The following DGKB variants were observed in gnomAD, a reference collection of about 807,000 sequenced individuals.
The protein encoded by DGKB is 90 kDa diacylglycerol kinase.
Under a neutral mutation model 114.3 loss-of-function variants are expected in DGKB, and 67 were observed. The ratio of observed to expected loss-of-function variants is 0.59; its 90% confidence interval spans 0.48 to 0.72. The LOEUF is 0.72. Ranked by LOEUF, DGKB falls within the 30% of genes least tolerant of loss-of-function variation. DGKB has a pLI of 0.00. For synonymous variants in DGKB, 398 were observed against 323.1 expected (o/e 1.23, Z -2.49); for missense variants, 907 against 975.2 (o/e 0.93, Z 0.93).
intron 23 of DGKB, among the ~76,000 whole-genome samples, chr7:14,295,173 A>G (rs1001207955): frequency 2.0e-5 from 3 of 152,196 alleles, no homozygotes; most frequent in African/African-American, 7.2e-5. Flanking sequence ...GAATATGAGA[A>G]TAATATATGT....
chr7:14,665,205 T>C (rs1354608165), intron 13 of DGKB, among the ~76,000 whole-genome samples: 1 of 151,956 alleles, frequency 6.6e-6, no homozygotes, highest in African/African-American at 2.4e-5. Flanking sequence ...AACCTTGCTC[T>C]TCAAGATCGA....
intron 14 of DGKB, among the ~76,000 whole-genome samples, chr7:14,624,135 G>GGTT (rs1808147202): frequency 6.6e-6 from 1 of 152,012 alleles, no homozygotes; most frequent in Non-Finnish European, 1.5e-5. Context: ...AACATTCAGT[G>GGTT]GTTACGTCAG....
intron 1 of DGKB, among the ~76,000 whole-genome samples, chr7:14,874,546 T>C (rs572551860): frequency 3.9e-5 from 6 of 152,096 alleles, no homozygotes; most frequent in East Asian, 1.9e-4. Flanking sequence ...GCACATATCA[T>C]ATAATTTTCT....
Position 14,535,548 on chromosome 7 carries a change from T to G in DGKB, c.1770+38664A>C, listed in dbSNP as rs545293128. On this transcript the variant is annotated intron_variant, in intron 20 of 25. Coordinates refer to ENST00000402815, the MANE Select transcript of DGKB (RefSeq NM_001350709.2). ...GAACAGAAAAAAATGAAATAAAGAA[T>G]AGAAAATGATCAACAAAACTAAGAG... 9.2e-5 allele frequency among the ~76,000 whole-genome samples: 14 copies of G among 152,080 alleles called. No individual in the cohort carries two copies. In the South Asian group the frequency reaches 2.9e-3, roughly 32 times the overall value.
chr7:14,850,787 A>G (rs1849249204), intron 1 of DGKB, among the ~76,000 whole-genome samples: 1 of 152,226 alleles, frequency 6.6e-6, no homozygotes, highest in Non-Finnish European at 1.5e-5. Context: ...AGCTACAACA[A>G]TCAGCTTCCT....
At chr7:14,953,887 T>A (rs1021574101) in intron 1 of DGKB, among the ~76,000 whole-genome samples, 1 of 152,106 alleles carries the variant, frequency 6.6e-6, no homozygotes, top group Admixed American at 6.6e-5. Context: ...TGGTTCTTAA[T>A]GTATGGGCCC....
chr7:14,729,930 CAATT>C (rs1316251148), intron 5 of DGKB, among the ~76,000 whole-genome samples: 3 of 152,106 alleles, frequency 2.0e-5, no homozygotes, highest in Non-Finnish European at 4.4e-5. Context: ...GCACACCTAT[CAATT>C]GAGTGCCTAT....
chr7:14,285,306 T>C (rs1244268685), intron 23 of DGKB, among the ~76,000 whole-genome samples: 1 of 152,098 alleles, frequency 6.6e-6, no homozygotes, highest in African/African-American at 2.4e-5. Context: ...AAGTCACTGA[T>C]TGAGTCTGCC....
At chr7:14,576,216 TTAA>T (rs1000207447) in intron 19 of DGKB, among the ~76,000 whole-genome samples, 3 of 152,136 alleles carry the variant, frequency 2.0e-5, no homozygotes, top group Admixed American at 6.5e-5. Context: ...CTGTTAAGTA[TTAA>T]TAATATGCAT....
intron 4 of DGKB, among the ~76,000 whole-genome samples, chr7:14,752,487 A>G (rs1283885068): frequency 6.6e-6 from 1 of 152,178 alleles, no homozygotes; most frequent in Non-Finnish European, 1.5e-5. Flanking sequence ...GACAGGAAAC[A>G]TGTACGGAGG....
chr7:14,529,644 C>T (rs1169337209), intron 20 of DGKB, among the ~76,000 whole-genome samples: 2 of 151,704 alleles, frequency 1.3e-5, no homozygotes, highest in East Asian at 3.9e-4. Context: ...TTGACCACAT[C>T]TAAAGAAATG....
intron 23 of DGKB, among the ~76,000 whole-genome samples, chr7:14,185,261 A>C (rs908077945): frequency 6.6e-6 from 1 of 152,170 alleles, no homozygotes; most frequent in Non-Finnish European, 1.5e-5. Context: ...GAACTCAACC[A>C]CTTTTACAAT....
chr7:14,486,728 C>T (rs1783869658), intron 20 of DGKB, among the ~76,000 whole-genome samples: 1 of 152,054 alleles, frequency 6.6e-6, no homozygotes, highest in African/African-American at 2.4e-5. Context: ...ACACAGGGAC[C>T]ACAGTCCTTG....
intron 2 of DGKB, among the ~76,000 whole-genome samples, chr7:14,796,904 A>G (rs916654458): frequency 2.6e-5 from 4 of 152,142 alleles, no homozygotes; most frequent in Non-Finnish European, 5.9e-5. Context: ...GGCTCCTTTG[A>G]CATCTTTTTG....
intron 1 of DGKB, among the ~76,000 whole-genome samples, chr7:14,949,167 T>TA (rs552380930): frequency 1.3e-3 from 200 of 151,816 alleles, no homozygotes; most frequent in African/African-American, 4.2e-3. Flanking sequence ...GAAACATTAA[T>TA]AAAAAAATCT....
At chr7:14,854,195 G>A (rs11972483) in intron 1 of DGKB, among the ~76,000 whole-genome samples, 1 of 152,134 alleles carries the variant, frequency 6.6e-6, no homozygotes, top group Non-Finnish European at 1.5e-5. Context: ...GAACTGATTA[G>A]CATGTGACAT....
At chr7:14,459,419 G>C (rs1043563016) in intron 21 of DGKB, among the ~76,000 whole-genome samples, 1 of 152,080 alleles carries the variant, frequency 6.6e-6, no homozygotes, top group Non-Finnish European at 1.5e-5. Flanking sequence ...TGACCTGATG[G>C]AGCTGAAAAA....
At chr7:14,486,257 C>T (rs1249860726) in intron 20 of DGKB, among the ~76,000 whole-genome samples, 1 of 152,162 alleles carries the variant, frequency 6.6e-6, no homozygotes, top group Non-Finnish European at 1.5e-5. Context: ...GGGGCAGCAT[C>T]ATTGTTCCAT....
At chr7:14,584,279 T>A (rs7806004) in intron 17 of DGKB, among the ~76,000 whole-genome samples, 8,368 of 152,266 alleles carry the variant, frequency 0.055, 786 homozygotes, top group African/African-American at 0.19. Flanking sequence ...AGCTATTTCC[T>A]GTGTCTCATT....
Sources: gnomAD v4.1 joint callset for allele counts (sites outside exome capture counted in the v4.1 genomes callset) on GRCh38, gnomAD v4.1.1 for gene constraint, MANE v1.5 for transcripts, NCBI Gene and HGNC (gene_info 2026-07-23, HGNC 2026-07-21) for gene names.